Variants in SRFBP1 observed in about 807,000 individuals in gnomAD.
The protein encoded by SRFBP1 is serum response factor binding protein 1.
In SRFBP1, 47 loss-of-function variants were observed where a neutral mutation model predicts 45.5. The ratio of observed to expected loss-of-function variants is 1.03; its 90% CI spans 0.82 to 1.32. The LOEUF is 1.32. SRFBP1 is among the 40% of genes most tolerant of loss of function. SRFBP1 has a pLI of 0.00. For missense variants in SRFBP1, 621 were observed against 484.6 expected (o/e 1.28, Z -2.64); for synonymous variants, 203 against 166.3 (o/e 1.22, Z -1.70).
intron 3 of SRFBP1, among the ~76,000 whole-genome samples, chr5:121,988,069 A>T (rs2112667496): frequency 6.6e-6 from 1 of 152,348 alleles, no homozygotes; most frequent in South Asian, 2.1e-4. Flanking sequence ...TGTGTGGAAT[A>T]AGAGAACTAG....
At chr5:121,969,274 C>G (rs1244324753) in intron 1 of SRFBP1, among the ~76,000 whole-genome samples, 1 of 152,066 alleles carries the variant, frequency 6.6e-6, no homozygotes, top group Non-Finnish European at 1.5e-5. Context: ...TGTATACTGA[C>G]CATCAGCTGC....
chr5:122,040,440 T>C (rs2112729365), intron 2 of SRFBP1, among the ~76,000 whole-genome samples: 1 of 152,286 alleles, frequency 6.6e-6, no homozygotes, highest in East Asian at 1.9e-4. Flanking sequence ...TCATTCTCCA[T>C]GTTGTTTTCA....
chr5:122,060,131 G>A (rs1017714112), intron 2 of SRFBP1, among the ~76,000 whole-genome samples: 2 of 152,022 alleles, frequency 1.3e-5, no homozygotes, highest in African/African-American at 2.4e-5. Context: ...TCTGCAAACG[G>A]GGAGGAAAGT....
At chr5:121,989,606 A>G (rs1752583412) in intron 3 of SRFBP1, among the ~76,000 whole-genome samples, 1 of 152,210 alleles carries the variant, frequency 6.6e-6, no homozygotes, top group Admixed American at 6.5e-5. Context: ...ACTCCTGTCT[A>G]AAATGTCTAT....
chr5:121,985,040 A>T (rs1244356036), intron 3 of SRFBP1, among the ~76,000 whole-genome samples: 1 of 151,918 alleles, frequency 6.6e-6, no homozygotes, highest in Non-Finnish European at 1.5e-5. Context: ...ACAAAAATAT[A>T]TGTCTATACT....
chr5:121,967,391 T>G (rs1752094828), intron 1 of SRFBP1, among the ~76,000 whole-genome samples: 1 of 152,214 alleles, frequency 6.6e-6, no homozygotes, highest in Non-Finnish European at 1.5e-5. Flanking sequence ...GAAGTTTTGC[T>G]AGGTGGCAGC....
intron 2 of SRFBP1, chr5:122,064,686 G>A (rs890982770): frequency 2.6e-5 from 4 of 151,830 alleles, no homozygotes; most frequent in African/African-American, 4.8e-5. Flanking sequence ...GTAATAATGG[G>A]ATTTTTAATA....
chr5:122,036,992 G>C (rs1209920839), intron 2 of SRFBP1, among the ~76,000 whole-genome samples: 1 of 151,212 alleles, frequency 6.6e-6, no homozygotes, highest in African/African-American at 2.4e-5. Context: ...CCTCCCTCCC[G>C]GGTTCAAGCA....
At chr5:122,077,998 C>A, downstream of SRFBP1, 2 of 1,442,184 alleles carry the variant, frequency 1.4e-6, no homozygotes, top group South Asian at 3.2e-5. The surrounding 1 kb of genome is among the most constrained non-coding windows in gnomAD (Gnocchi z 4.9). Flanking sequence ...CTCCTTTTGC[C>A]AGATTGACCC....
At chr5:121,969,819 CCCTT>C (rs1413513813) in intron 1 of SRFBP1, among the ~76,000 whole-genome samples, 3 of 151,664 alleles carry the variant, frequency 2.0e-5, no homozygotes, top group Non-Finnish European at 4.4e-5. Context: ...GTCTTCAGAC[CCCTT>C]CCTTCTACTT....
chr5:122,077,217 G>A, downstream of SRFBP1: 2 of 1,490,322 alleles, frequency 1.3e-6, no homozygotes, highest in Non-Finnish European at 1.8e-6. This position sits in a 1 kb window ranked among gnomAD's most constrained non-coding sequence, Gnocchi z 4.9. Context: ...TGGATTCCAG[G>A]GCTGCCACTG....
intron 4 of SRFBP1, among the ~76,000 whole-genome samples, chr5:122,018,772 C>A (rs1753236954): frequency 6.6e-6 from 1 of 152,104 alleles, no homozygotes; most frequent in African/African-American, 2.4e-5. Context: ...GAGAACGTGT[C>A]AGTGATAGTA....
chr5:122,052,446 T>C (rs1204681989), intron 2 of SRFBP1, among the ~76,000 whole-genome samples: 1 of 152,176 alleles, frequency 6.6e-6, no homozygotes, highest in Non-Finnish European at 1.5e-5. Context: ...GCTTTTTACT[T>C]TTTTATTCTT....
chr5:122,021,892 C>T (rs1436008510), intron 6 of SRFBP1, among the ~76,000 whole-genome samples: 1 of 150,870 alleles, frequency 6.6e-6, no homozygotes, highest in African/African-American at 2.4e-5. Context: ...AGACGGGTTT[C>T]ACCATATTGG....
At chr5:122,066,659 A>G in intron 2 of SRFBP1, 1 of 1,102,970 alleles carries the variant, frequency 9.1e-7, no homozygotes, top group Non-Finnish European at 1.4e-6. Flanking sequence ...TTCAAAATAC[A>G]TAAATCCTAC....
chr5:121,964,095 C>T (rs1402630825), intron 1 of SRFBP1, among the ~76,000 whole-genome samples: 1 of 152,028 alleles, frequency 6.6e-6, no homozygotes, highest in African/African-American at 2.4e-5. Flanking sequence ...TTTGAATTCG[C>T]TTTCAATCTT....
At chr5:122,065,945 A>C (rs1016767335) in intron 2 of SRFBP1, 2 of 152,076 alleles carry the variant, frequency 1.3e-5, no homozygotes, top group African/African-American at 4.8e-5. Context: ...TACCAGTCCC[A>C]AGAATGGTGA....
rs536757783 is a variant in SRFBP1, at chr5:122,014,772, G to A, written c.271-4488G>A. ...CTCTTAACAAAATAGCATTTACCCCGGAGTCCACACTAGACATGCAAGTAT... is the reference window on the plus strand; with the variant it reads ...CTCTTAACAAAATAGCATTTACCCCAGAGTCCACACTAGACATGCAAGTAT... On this transcript the variant is annotated intron_variant, in intron 4 of 7. Coordinates refer to ENST00000339397, the MANE Select transcript of SRFBP1 (RefSeq NM_152546.3). Among the ~76,000 whole-genome samples the A allele has an allele frequency of 2.3e-4, 35 of 152,092 alleles. 1 individual carries two copies. The South Asian group carries it at 6.9e-3, about 30-fold the overall frequency.
intron 4 of SRFBP1, among the ~76,000 whole-genome samples, chr5:122,004,679 T>C (rs1483851873): frequency 1.3e-5 from 2 of 152,214 alleles, no homozygotes; most frequent in African/African-American, 4.8e-5. Context: ...CTAATCTTTA[T>C]TTTCTTCTGC....
Sources: allele counts gnomAD v4.1 joint callset (sites outside exome capture counted in the v4.1 genomes callset), GRCh38; gene constraint gnomAD v4.1.1; non-coding constraint Gnocchi (gnomAD v3.1); transcripts MANE v1.5; gene names NCBI Gene and HGNC (gene_info 2026-07-23, HGNC 2026-07-21).